Variants in CDH4 observed in about 807,000 individuals in gnomAD.
CDH4 encodes cadherin 4, also known as cadherin-4.
CDH4 carries 33 observed loss-of-function variants against 86.0 expected under a neutral mutation model. The ratio of observed to expected loss-of-function variants is 0.38; its 90% confidence interval spans 0.29 to 0.51. The LOEUF (loss-of-function observed/expected upper bound fraction) is 0.51, where lower values mean the gene tolerates loss of function less well. Among genes scored for constraint, CDH4 ranks in the 20% least tolerant of loss-of-function variants. CDH4 has a pLI of 0.86. For missense variants in CDH4, 1,114 were observed against 1,307.4 expected (o/e 0.85, Z 2.28); for synonymous variants, 555 against 549.4 (o/e 1.01, Z -0.14).
At position 61,587,059 on chromosome 20, in the gene CDH4, G is replaced by C. The variant is rs76691426; in HGVS notation, c.170-156504G>C. Reference sequence around the variant, plus strand: ...GGCTGGGAATATCTGCAGGTCAGAGGAGGGATGTCAGCAGAGGCTGGAAAT... The same window carrying C: ...GGCTGGGAATATCTGCAGGTCAGAGCAGGGATGTCAGCAGAGGCTGGAAAT... On this transcript the variant is annotated intron_variant, in intron 2 of 15. Transcript: ENST00000614565. 9.6e-3 allele frequency among the ~76,000 whole-genome samples: 1,456 copies of C among 152,264 alleles called. 27 individuals carry two copies. The highest frequency in any genetic ancestry group is 0.034 in the African/African-American group (1,397 of 41,546).
At chr20:61,372,878 C>T (rs527805745) in intron 2 of CDH4, among the ~76,000 whole-genome samples, 2 of 152,364 alleles carry the variant, frequency 1.3e-5, no homozygotes, top group South Asian at 4.1e-4. Context: ...TGGAGGTTTC[C>T]GGGAATGAGA....
intron 2 of CDH4, among the ~76,000 whole-genome samples, chr20:61,332,462 G>A (rs2123266420): frequency 6.6e-6 from 1 of 152,352 alleles, no homozygotes; most frequent in Non-Finnish European, 1.5e-5. Flanking sequence ...ACCTCTCTCA[G>A]AAGAGGGCTT....
chr20:61,261,431 A>G (rs963834517), intron 2 of CDH4, among the ~76,000 whole-genome samples: 1 of 152,246 alleles, frequency 6.6e-6, no homozygotes, highest in African/African-American at 2.4e-5. Flanking sequence ...ATGAGGGAGC[A>G]TGAGGCTTTG....
At chr20:61,574,032 C>T (rs1042344902) in intron 2 of CDH4, among the ~76,000 whole-genome samples, 2 of 152,162 alleles carry the variant, frequency 1.3e-5, no homozygotes, top group African/African-American at 2.4e-5. Context: ...CACGGGCCTG[C>T]GAGTGGACCT....
rs1176434249 is a variant in CDH4, at chr20:61,580,640, AG to A, written c.170-162916del. ...CATTGGTTTTTCAGGTTGACGCTCT[AG>A]GGGGGGAAATTAGCCCCCTTATGAC... On this transcript the variant is annotated intron_variant, in intron 2 of 15. Coordinates refer to ENST00000614565, the MANE Select transcript of CDH4 (RefSeq NM_001794.5). Among the ~76,000 whole-genome samples the A allele has an allele frequency of 3.7e-4, 7 of 18,852 alleles. No individual in the cohort carries two copies. The South Asian group carries it at 6.3e-3, about 17-fold the overall frequency. The allele number at this position is 18,852 out of a possible 152,430, so 12.4% of individuals were successfully genotyped here.
chr20:61,326,868 C>G (rs969519786), intron 2 of CDH4, among the ~76,000 whole-genome samples: 1 of 152,152 alleles, frequency 6.6e-6, no homozygotes, highest in African/African-American at 2.4e-5. Flanking sequence ...TCTCAGTAAT[C>G]CTCAGACTCA....
chr20:61,884,559 T>C (rs1687836495), intron 7 of CDH4, among the ~76,000 whole-genome samples: 1 of 151,956 alleles, frequency 6.6e-6, no homozygotes, highest in African/African-American at 2.4e-5. Context: ...GATCTCTCGG[T>C]GACAGCCTGG....
intron 14 of CDH4, among the ~76,000 whole-genome samples, chr20:61,933,664 C>T (rs1042756307): frequency 8.2e-5 from 12 of 147,056 alleles, no homozygotes; most frequent in Non-Finnish European, 1.8e-4. Flanking sequence ...GGAGGCCCAG[C>T]TCCTGGCCAC....
chr20:61,809,824 A>G (rs1448003656), intron 4 of CDH4, among the ~76,000 whole-genome samples: 3 of 152,200 alleles, frequency 2.0e-5, no homozygotes, highest in Non-Finnish European at 4.4e-5. Flanking sequence ...GAGACAAGGC[A>G]GGTGTCTAGA....
chr20:61,699,753 GGGGCTTTCACCGCGGACCC>G (rs59781569), intron 2 of CDH4, among the ~76,000 whole-genome samples: 37,761 of 150,332 alleles, frequency 0.25, 6,462 homozygotes, highest in Non-Finnish European at 0.36. Flanking sequence ...CCTGCTGCTG[GGGGCTTTCACCGCGGACCC>G]GGGGCTTTCA....
intron 2 of CDH4, among the ~76,000 whole-genome samples, chr20:61,398,608 G>C (rs2085032161): frequency 6.6e-6 from 1 of 152,184 alleles, no homozygotes; most frequent in African/African-American, 2.4e-5. Flanking sequence ...CTTTCTTAAA[G>C]CCTCAACTGA....
chr20:61,270,987 C>T (rs536198640), intron 2 of CDH4, among the ~76,000 whole-genome samples: 66 of 152,234 alleles, frequency 4.3e-4, no homozygotes, highest in South Asian at 1.2e-3. Flanking sequence ...ACACTTGGAC[C>T]CTACGGGGCA....
intron 9 of CDH4, 54 bp downstream of exon 9, chr20:61,910,661 C>G (rs1381043138): frequency 1.4e-6 from 2 of 1,464,560 alleles, no homozygotes; most frequent in Admixed American, 1.7e-5. Flanking sequence ...CACCTGCACA[C>G]TCCCTAGGAC....
At chr20:61,577,686 C>T (rs1235739260) in intron 2 of CDH4, among the ~76,000 whole-genome samples, 1 of 152,120 alleles carries the variant, frequency 6.6e-6, no homozygotes, top group African/African-American at 2.4e-5. Context: ...ATTTGAAATG[C>T]AGCCTATGGT....
intron 2 of CDH4, among the ~76,000 whole-genome samples, chr20:61,295,835 C>T (rs2084348834): frequency 6.6e-6 from 1 of 152,210 alleles, no homozygotes; most frequent in South Asian, 2.1e-4. Flanking sequence ...GGGCGGCCAG[C>T]AGGGTGTGTC....
intron 2 of CDH4, among the ~76,000 whole-genome samples, chr20:61,591,947 T>A (rs991565536): frequency 2.6e-5 from 4 of 152,222 alleles, no homozygotes; most frequent in African/African-American, 9.6e-5. Flanking sequence ...GAAAGCTCTG[T>A]TTGTCCTTGC....
intron 2 of CDH4, among the ~76,000 whole-genome samples, chr20:61,492,933 T>C (rs1213882957): frequency 6.6e-6 from 1 of 152,198 alleles, no homozygotes; most frequent in African/African-American, 2.4e-5. Context: ...ATGAGCCAAG[T>C]TGGCAGTGGA....
chr20:61,856,188 C>A (rs1236075071), intron 6 of CDH4, among the ~76,000 whole-genome samples: 1 of 152,202 alleles, frequency 6.6e-6, no homozygotes, highest in Admixed American at 6.5e-5. Flanking sequence ...AGAAATTAGT[C>A]ATTATTCTCT....
At chr20:61,781,210 A>C (rs1358661431) in intron 4 of CDH4, among the ~76,000 whole-genome samples, 1 of 151,360 alleles carries the variant, frequency 6.6e-6, no homozygotes, top group Non-Finnish European at 1.5e-5. Context: ...TTGCATTCAC[A>C]GTGATCAGTA....
Sources: gnomAD v4.1 joint callset for allele counts (sites outside exome capture counted in the v4.1 genomes callset) on GRCh38, gnomAD v4.1.1 for gene constraint, MANE v1.5 for transcripts, NCBI Gene and HGNC (gene_info 2026-07-23, HGNC 2026-07-21) for gene names.